SAMSN1: variants seen among roughly 807,000 people sequenced by gnomAD.
SAMSN1 encodes SAM domain-containing protein SAMSN-1.
SAMSN1 carries 31 observed loss-of-function variants against 42.0 expected under a neutral mutation model. The observed-to-expected ratio is 0.74, with a 90% CI of 0.55 to 1.00. The LOEUF (loss-of-function observed/expected upper bound fraction) is 1.00, where lower values mean the gene tolerates loss of function less well. SAMSN1 is among the 50% of genes least tolerant of loss of function. The pLI is 0.00. For synonymous variants in SAMSN1, 178 were observed against 151.9 expected (o/e 1.17, Z -1.26); for missense variants, 464 against 439.4 (o/e 1.06, Z -0.50).
chr21:14,540,963 G>A (rs1480162187), intron 1 of SAMSN1, among the ~76,000 whole-genome samples: 1 of 152,134 alleles, frequency 6.6e-6, no homozygotes, highest in African/African-American at 2.4e-5. Context: ...AAAAAATGAT[G>A]AGTTCATGTC....
At chr21:14,635,112 A>G (rs139660151) in intron 2 of SAMSN1, among the ~76,000 whole-genome samples, 1,576 of 152,310 alleles carry the variant, frequency 0.01, 17 homozygotes, top group Non-Finnish European at 0.014. Flanking sequence ...GTTCTCACTC[A>G]TAAGTGGGAG....
At chr21:14,625,931 A>T (rs2123352407) in intron 2 of SAMSN1, among the ~76,000 whole-genome samples, 1 of 152,320 alleles carries the variant, frequency 6.6e-6, no homozygotes, top group East Asian at 1.9e-4. Flanking sequence ...TAAAACAGAG[A>T]TATAGACCAA....
At chr21:14,637,144 C>T (rs896584201) in intron 2 of SAMSN1, among the ~76,000 whole-genome samples, 23 of 152,156 alleles carry the variant, frequency 1.5e-4, no homozygotes, top group Non-Finnish European at 2.5e-4. Flanking sequence ...GTGGCTGATA[C>T]AACTTAGGAA....
intron 7 of SAMSN1, among the ~76,000 whole-genome samples, chr21:14,590,268 T>TG (rs1203962683): frequency 1.3e-5 from 2 of 150,952 alleles, no homozygotes; most frequent in East Asian, 3.9e-4. Context: ...TTGGGAGAAT[T>TG]TTTTTTTCTT....
At chr21:14,654,807 AT>A (rs755503203) in intron 1 of SAMSN1, among the ~76,000 whole-genome samples, 2 of 151,888 alleles carry the variant, frequency 1.3e-5, no homozygotes, top group Non-Finnish European at 2.9e-5. Context: ...AAGACATGAG[AT>A]TTTTTGCCTC....
chr21:14,654,814 G>T (rs1016568875), intron 1 of SAMSN1, among the ~76,000 whole-genome samples: 10 of 151,680 alleles, frequency 6.6e-5, no homozygotes, highest in Non-Finnish European at 1.0e-4. Context: ...GAGATTTTTT[G>T]CCTCACTAGT....
chr21:14,565,712 A>G (rs1447660221), intron 2 of SAMSN1, among the ~76,000 whole-genome samples: 2 of 152,164 alleles, frequency 1.3e-5, no homozygotes, highest in African/African-American at 4.8e-5. Flanking sequence ...GATGTCATCG[A>G]TTCCAAATTT....
chr21:14,602,205 A>G, intron 5 of SAMSN1: 1 of 375,206 alleles, frequency 2.7e-6, no homozygotes, highest in Non-Finnish European at 4.9e-6. Context: ...GTAAGACATT[A>G]CATTGGCTAC....
intron 7 of SAMSN1, among the ~76,000 whole-genome samples, chr21:14,494,891 G>A (rs1017007870): frequency 6.6e-6 from 1 of 152,032 alleles, no homozygotes; most frequent in Non-Finnish European, 1.5e-5. Flanking sequence ...ACTCACATAG[G>A]ACTTGTCTTT....
At chr21:14,510,493 G>A in intron 4 of SAMSN1, 32 bp from the exon 5 acceptor site, 3 of 1,612,514 alleles carry the variant, frequency 1.9e-6, no homozygotes, top group Middle Eastern at 1.7e-4. Flanking sequence ...AGTTGTCATG[G>A]AAGACTTATA....
At chr21:14,609,375 C>G in intron 5 of SAMSN1, 1 of 670,790 alleles carries the variant, frequency 1.5e-6, no homozygotes, top group East Asian at 2.7e-5. Flanking sequence ...TTAAGTAGAC[C>G]ATAATGGTCT....
At chr21:14,582,374 A>G (rs548648520) in exon 2 of SAMSN1, 5 of 1,550,280 alleles carry the variant, frequency 3.2e-6, no homozygotes, top group South Asian at 1.2e-5. Flanking sequence ...TGATGCAGAA[A>G]GAGTATCCAA....
At chr21:14,537,398 A>G (rs1355439012) in intron 1 of SAMSN1, among the ~76,000 whole-genome samples, 1 of 151,820 alleles carries the variant, frequency 6.6e-6, no homozygotes, top group Non-Finnish European at 1.5e-5. Context: ...CTTGGCACCT[A>G]TCATTATCTA....
In SAMSN1 at chr21:14,485,478, A is replaced by G. The variant is rs1436031676; in HGVS notation, c.*434T>C. 1 of 156,422 alleles carries G rather than the reference A, an allele frequency of 6.4e-6. No homozygotes were observed. The highest frequency in any genetic ancestry group is 1.4e-5 in the Non-Finnish European group (1 of 70,554). 9.7% of individuals were successfully genotyped at this position (156,422 alleles called of 1,614,324 possible). ...TAACTCACACTTTCCCAATAAGTAT[A>G]AAAATGAATATAACATTGCTTGGAC... On this transcript the variant is annotated 3_prime_UTR_variant, in exon 8 of 8. Coordinates refer to ENST00000400566, the MANE Select transcript of SAMSN1 (RefSeq NM_022136.5).
intron 2 of SAMSN1, among the ~76,000 whole-genome samples, chr21:14,621,960 G>C (rs763706276): frequency 6.6e-6 from 1 of 152,248 alleles, no homozygotes; most frequent in Non-Finnish European, 1.5e-5. Flanking sequence ...AACATTTGCT[G>C]TTCAGCAATG....
chr21:14,558,284 C>T (rs900869317), intron 2 of SAMSN1, among the ~76,000 whole-genome samples: 1 of 151,674 alleles, frequency 6.6e-6, no homozygotes, highest in African/African-American at 2.4e-5. Flanking sequence ...CCTCAAAACT[C>T]AAAAGGATTA....
intron 1 of SAMSN1, among the ~76,000 whole-genome samples, chr21:14,526,725 T>C (rs1978885244): frequency 7.9e-5 from 12 of 152,322 alleles, no homozygotes; most frequent in Non-Finnish European, 1.5e-5. Context: ...TCCTGTCTTC[T>C]TCCCAAGAGG....
At chr21:14,632,194 C>T (rs1240377531) in intron 2 of SAMSN1, among the ~76,000 whole-genome samples, 8 of 151,508 alleles carry the variant, frequency 5.3e-5, no homozygotes, top group Non-Finnish European at 8.8e-5. Context: ...CACTTCCTAA[C>T]TGTGATAGAA....
intron 7 of SAMSN1, among the ~76,000 whole-genome samples, chr21:14,588,659 A>T (rs905537405): frequency 6.6e-6 from 1 of 152,328 alleles, no homozygotes. Context: ...AGTGAAGGCC[A>T]TCTTCATCCA....
Sources: gnomAD v4.1 joint callset for allele counts (sites outside exome capture counted in the v4.1 genomes callset) on GRCh38, gnomAD v4.1.1 for gene constraint, MANE v1.5 for transcripts, NCBI Gene and HGNC (gene_info 2026-07-23, HGNC 2026-07-21) for gene names.